The following DSCAML1 variants were observed in gnomAD, a reference collection of about 807,000 sequenced individuals.
DSCAML1 encodes cell adhesion molecule DSCAML1.
Under a neutral mutation model 200.5 loss-of-function variants are expected in DSCAML1, and 38 were observed. That is an observed-to-expected ratio of 0.19 (90% confidence interval 0.15 to 0.25). The LOEUF (loss-of-function observed/expected upper bound fraction) is 0.25. Among genes scored for constraint, DSCAML1 ranks in the 10% least tolerant of loss-of-function variants. The pLI, the probability that DSCAML1 is intolerant of heterozygous loss-of-function variation, is 1.00. For missense variants in DSCAML1, 2,223 were observed against 2,858.8 expected (o/e 0.78, Z 5.07); for synonymous variants, 1,215 against 1,165.0 (o/e 1.04, Z -0.87).
intron 3 of DSCAML1, among the ~76,000 whole-genome samples, chr11:117,718,834 A>G (rs905352234): frequency 1.3e-5 from 2 of 152,200 alleles, no homozygotes; most frequent in African/African-American, 4.8e-5. Flanking sequence ...TAACGAGCAC[A>G]TAACCATGTT....
intron 3 of DSCAML1, among the ~76,000 whole-genome samples, chr11:117,644,559 A>G (rs1355645058): frequency 6.6e-6 from 1 of 152,192 alleles, no homozygotes; most frequent in African/African-American, 2.4e-5. Context: ...GACGACATCC[A>G]TCACTTTCCC....
intron 3 of DSCAML1, among the ~76,000 whole-genome samples, chr11:117,643,679 G>A (rs2137600282): frequency 6.6e-6 from 1 of 152,196 alleles, no homozygotes; most frequent in South Asian, 2.1e-4. Context: ...CTCATCTCCT[G>A]CAGGGGAGGA....
At chr11:117,515,441 C>T (rs764980031) in intron 8 of DSCAML1, among the ~76,000 whole-genome samples, 33 of 152,076 alleles carry the variant, frequency 2.2e-4, no homozygotes, top group Non-Finnish European at 3.8e-4. Context: ...CGAAGACCTT[C>T]GCAGCCCCAG....
At chr11:117,438,320 G>GA (rs60354445) in intron 24 of DSCAML1, among the ~76,000 whole-genome samples, 57,642 of 151,938 alleles carry the variant, frequency 0.38, 12,655 homozygotes, top group East Asian at 0.82. Flanking sequence ...CCAGCCCCCG[G>GA]CGGGTCTGAC....
In DSCAML1 at chr11:117,516,748, G is replaced by A; in HGVS notation, c.1511-9C>T. 6.2e-7 allele frequency: 1 copy of A among 1,607,412 alleles called. No individual in the cohort carries two copies. Among genetic ancestry groups the A allele is most frequent in the Non-Finnish European group, 8.5e-7 (1 of 1,176,032 alleles). On this transcript the variant is annotated splice_polypyrimidine_tract_variant and intron_variant, in intron 7 of 32. Transcript: ENST00000651296. The surrounding 1 kb of genome is among the most constrained non-coding windows in gnomAD (Gnocchi z 5.7). The stretch of plus-strand genomic sequence containing the variant: ...CCGGATGCTGGGTGGGCCTGGGCAG[G>A]AGTCAGAAGAGAGGAGGAGGAGGAG...
intron 3 of DSCAML1, among the ~76,000 whole-genome samples, chr11:117,637,465 C>T (rs1367933402): frequency 2.0e-5 from 3 of 151,952 alleles, no homozygotes; most frequent in Non-Finnish European, 2.9e-5. Context: ...CCTGCCTCAG[C>T]CTCCCGAGTA....
chr11:117,677,851 C>T (rs1020442749), intron 3 of DSCAML1, among the ~76,000 whole-genome samples: 23 of 152,190 alleles, frequency 1.5e-4, no homozygotes, highest in African/African-American at 5.1e-4. Context: ...AGGAGGGACA[C>T]AACCCCAGGC....
In DSCAML1 at chr11:117,524,812, C is replaced by T. The variant is rs373014455; in HGVS notation, c.930G>A (p.Met310Ile). ...FGSAEATGIL[M>I]VIDPLHVTLT... ...GGGGCTTCCCCGACTCACCAATGAC[C>T]ATGAGGATGCCTGTGGCCTCTGCCG... is the stretch of plus-strand genomic sequence containing the variant. The change falls in exon 5 of 33, where the codon ATG becomes ATA. Residue 310 changes from methionine (M) to isoleucine (I), a missense_variant. Transcript: ENST00000651296. 4 of 1,581,992 alleles carry T rather than the reference C, an allele frequency of 2.5e-6. No homozygotes were observed. Among genetic ancestry groups the T allele is most frequent in the Non-Finnish European group, 3.4e-6 (4 of 1,162,742 alleles).
chr11:117,607,547 G>T (rs1240802224), intron 3 of DSCAML1, among the ~76,000 whole-genome samples: 3 of 152,236 alleles, frequency 2.0e-5, no homozygotes, highest in Non-Finnish European at 4.4e-5. Flanking sequence ...ACTAGCTACA[G>T]AGGTGCAGGC....
intron 4 of DSCAML1, among the ~76,000 whole-genome samples, chr11:117,532,149 A>G (rs2050092685): frequency 1.4e-5 from 2 of 143,400 alleles, no homozygotes; most frequent in African/African-American, 5.4e-5. Context: ...AAAGGAAAAA[A>G]AAGGGAAAAA....
intron 3 of DSCAML1, among the ~76,000 whole-genome samples, chr11:117,680,214 AT>A (rs2053288233): frequency 6.6e-6 from 1 of 152,048 alleles, no homozygotes; most frequent in Admixed American, 6.5e-5. Flanking sequence ...CATCATGCAA[AT>A]GGGACCCCCA....
intron 3 of DSCAML1, among the ~76,000 whole-genome samples, chr11:117,649,787 G>A (rs940382943): frequency 3.9e-5 from 6 of 152,172 alleles, no homozygotes; most frequent in Admixed American, 2.6e-4. Context: ...GGACCTATCC[G>A]TAGGTTCCCT....
At chr11:117,554,552 T>G (rs1296962557) in intron 3 of DSCAML1, among the ~76,000 whole-genome samples, 1 of 152,122 alleles carries the variant, frequency 6.6e-6, no homozygotes, top group African/African-American at 2.4e-5. Flanking sequence ...AATTTTTGTA[T>G]TTTTAGTAGA....
chr11:117,580,990 C>G (rs1021176304), intron 3 of DSCAML1, among the ~76,000 whole-genome samples: 2 of 152,204 alleles, frequency 1.3e-5, no homozygotes, highest in African/African-American at 4.8e-5. Flanking sequence ...CAAGCCAGAA[C>G]AAAACCTCGC....
intron 32 of DSCAML1, 74 bp downstream of exon 32, chr11:117,430,648 G>A: frequency 6.7e-7 from 1 of 1,490,250 alleles, no homozygotes; most frequent in African/African-American, 1.4e-5. Context: ...GGCAGAACTA[G>A]ATCTAGCCAG....
intron 29 of DSCAML1, 28 bp downstream of exon 29, chr11:117,433,110 C>T: frequency 6.3e-7 from 1 of 1,596,010 alleles, no homozygotes; most frequent in South Asian, 1.1e-5. Context: ...CCCAGCAGGA[C>T]AGGGAACTTG....
chr11:117,794,932 C>T (rs778839709), intron 1 of DSCAML1, among the ~76,000 whole-genome samples: 3 of 152,178 alleles, frequency 2.0e-5, no homozygotes, highest in Admixed American at 2.0e-4. Flanking sequence ...CAAAGGCCAC[C>T]GAGGAGCCGC....
At chr11:117,584,190 C>T (rs1417428726) in intron 3 of DSCAML1, among the ~76,000 whole-genome samples, 1 of 152,200 alleles carries the variant, frequency 6.6e-6, no homozygotes, top group Non-Finnish European at 1.5e-5. Context: ...TGCCTCATCT[C>T]CCGGTCTCTA....
intron 1 of DSCAML1, among the ~76,000 whole-genome samples, chr11:117,795,447 CTG>C (rs1317736059): frequency 6.6e-6 from 1 of 151,730 alleles, no homozygotes; most frequent in African/African-American, 2.4e-5. Context: ...GAGAGGGAGA[CTG>C]GGGTTCGGGG....
Sources: allele counts gnomAD v4.1 joint callset (sites outside exome capture counted in the v4.1 genomes callset), GRCh38; gene constraint gnomAD v4.1.1; non-coding constraint Gnocchi (gnomAD v3.1); transcripts MANE v1.5; gene names NCBI Gene and HGNC (gene_info 2026-07-23, HGNC 2026-07-21).